Variants in LETM1 observed in about 807,000 individuals in gnomAD.
LETM1 encodes the protein mitochondrial proton/calcium exchanger protein.
A neutral mutation model predicts 74.5 loss-of-function variants in LETM1; 50 were observed. The ratio of observed to expected loss-of-function variants is 0.67; its 90% CI spans 0.53 to 0.85. The LOEUF (loss-of-function observed/expected upper bound fraction) is 0.85. Ranked by LOEUF, LETM1 falls within the 40% of genes least tolerant of loss-of-function variation. LETM1 has a pLI of 0.00. For missense variants in LETM1, 824 were observed against 967.8 expected (o/e 0.85, Z 1.97); for synonymous variants, 446 against 407.1 (o/e 1.10, Z -1.15).
At chr4:1,822,069 C>G in intron 10 of LETM1, 112 bp downstream of exon 10, 1 of 1,119,350 alleles carries the variant, frequency 8.9e-7, no homozygotes. Context: ...TCTCCTCTCA[C>G]TGAGGGCTAT....
intron 3 of LETM1, among the ~76,000 whole-genome samples, chr4:1,839,835 G>A (rs977064432): frequency 3.9e-5 from 6 of 152,224 alleles, no homozygotes; most frequent in African/African-American, 7.2e-5. Flanking sequence ...GAGGTTCACC[G>A]GGGGTTGCAC....
chr4:1,837,851 C>T (rs923286885), intron 3 of LETM1, among the ~76,000 whole-genome samples: 11 of 151,672 alleles, frequency 7.3e-5, no homozygotes, highest in East Asian at 3.9e-4. Flanking sequence ...TACAGACATG[C>T]GCCACCACGC....
intron 2 of LETM1, among the ~76,000 whole-genome samples, chr4:1,843,947 G>T (rs1412352852): frequency 6.6e-6 from 1 of 152,230 alleles, no homozygotes; most frequent in East Asian, 1.9e-4. Flanking sequence ...ACCTCCCTGT[G>T]TGGGTGATGA....
In LETM1 at chr4:1,822,240, C is replaced by A; in HGVS notation, c.1549G>T (p.Asp517Tyr). 6.5e-7 allele frequency: 1 copy of A among 1,548,196 alleles called. No individual in the cohort carries two copies. Among genetic ancestry groups the A allele is most frequent in the Non-Finnish European group, 8.8e-7 (1 of 1,140,310 alleles). The change falls in exon 10 of 14, where the codon GAC becomes TAC. Residue 517 changes from aspartate to tyrosine, a missense_variant. By Grantham distance (160) the Asp-to-Tyr change is radical. Coordinates refer to ENST00000302787, the MANE Select transcript of LETM1 (RefSeq NM_012318.3). ...AAGGTCTCTGACTGCAGGACTGTGT[C>A]AGGCATTTCTGGCTGTGGCTCGGTC... ...PGTEPQPEMP[D>Y]TVLQSETLKD...
Position 1,814,292 on chromosome 4 carries a change from A to C in LETM1, c.*132T>G. 3.7e-6 allele frequency: 5 copies of C among 1,357,692 alleles called. No homozygotes were observed. The highest frequency in any genetic ancestry group is 5.1e-6 in the Non-Finnish European group (5 of 982,144). The allele number at this position is 1,357,692 out of a possible 1,614,324, so 84.1% of individuals were successfully genotyped here. On this transcript the variant is annotated 3_prime_UTR_variant, in exon 14 of 14. Coordinates refer to ENST00000302787, the MANE Select transcript of LETM1 (RefSeq NM_012318.3). ...AATGATGAAAATTAAAATTTACTTG[A>C]TTATGGAAGTCTCTGATTTATTCCA...
Position 1,855,399 on chromosome 4 carries a change from T to C in LETM1, c.82+470A>G, listed in dbSNP as rs180776419. Reference sequence around the variant, plus strand: ...CGCGGCCTAATCACACCACAGGGGTTTGTAGGTGCTGGCATCACCTCATCA... The same window carrying C: ...CGCGGCCTAATCACACCACAGGGGTCTGTAGGTGCTGGCATCACCTCATCA... On this transcript the variant is annotated intron_variant, in intron 1 of 13. Transcript: ENST00000302787. Among the ~76,000 whole-genome samples the C allele has an allele frequency of 1.2e-4, 18 of 152,178 alleles. No individual in the cohort carries two copies. In the East Asian group the frequency reaches 3.5e-3, roughly 30 times the overall value.
At chr4:1,852,411 G>GCCT (rs1713099327) in intron 1 of LETM1, among the ~76,000 whole-genome samples, 1 of 152,156 alleles carries the variant, frequency 6.6e-6, no homozygotes, top group African/African-American at 2.4e-5. Flanking sequence ...AGCCTCACCA[G>GCCT]CCTCCTCACC....
At position 1,813,217 on chromosome 4, in the gene LETM1, A is replaced by T. The variant is rs1722521008; in HGVS notation, c.*1207T>A. On this transcript the variant is annotated 3_prime_UTR_variant, in exon 14 of 14. Coordinates refer to ENST00000302787, the MANE Select transcript of LETM1 (RefSeq NM_012318.3). ...CAGAAAGAAGCTTCAAGTAATGGAGAAGGCATTGTCTGAGTGCAGCTGCTT... is the reference window on the plus strand; with the variant it reads ...CAGAAAGAAGCTTCAAGTAATGGAGTAGGCATTGTCTGAGTGCAGCTGCTT... 6.6e-6 allele frequency: 1 copy of T among 152,372 alleles called. No individual in the cohort carries two copies. Among genetic ancestry groups the T allele is most frequent in the Admixed American group, 6.5e-5 (1 of 15,280 alleles). 9.4% of individuals were successfully genotyped at this position (152,372 alleles called of 1,614,324 possible). A position where few individuals can be genotyped will look rare whatever the true frequency, so the allele number is the denominator to read the frequency against.
intron 13 of LETM1, among the ~76,000 whole-genome samples, chr4:1,815,297 G>A (rs1474963131): frequency 3.2e-4 from 48 of 152,116 alleles, no homozygotes; most frequent in Non-Finnish European, 1.0e-4. Context: ...GGGGGCCCCC[G>A]GCAGGTGTGA....
intron 6 of LETM1, among the ~76,000 whole-genome samples, chr4:1,827,529 G>A (rs1371278890): frequency 9.4e-6 from 1 of 106,150 alleles, no homozygotes; most frequent in Admixed American, 1.0e-4. Flanking sequence ...GTTTAACAAA[G>A]CACATCTTGC....
chr4:1,826,906 C>A (rs535246204), intron 6 of LETM1, among the ~76,000 whole-genome samples: 1 of 152,318 alleles, frequency 6.6e-6, no homozygotes, highest in African/African-American at 2.4e-5. Flanking sequence ...GCAGTGGAGT[C>A]GGCGCTCCAC....
intron 1 of LETM1, among the ~76,000 whole-genome samples, chr4:1,854,598 C>T (rs1028424033): frequency 2.0e-5 from 3 of 151,080 alleles, no homozygotes; most frequent in South Asian, 2.1e-4. Context: ...GTTCGAGACC[C>T]GCCTGGCCAA....
rs565437341 is a variant in LETM1, at chr4:1,828,836, G to T, written c.1081-3153C>A. Among the ~76,000 whole-genome samples the T allele has an allele frequency of 2.1e-3, 264 of 124,940 alleles. 2 individuals are homozygous for T. Among genetic ancestry groups the T allele is most frequent in the African/African-American group, 7.6e-3 (242 of 31,814 alleles). 82.0% of individuals were successfully genotyped at this position (124,940 alleles called of 152,430 possible). A position where few individuals can be genotyped will look rare whatever the true frequency, so the allele number is the denominator to read the frequency against. The stretch of plus-strand genomic sequence containing the variant: ...GCTGACCCCCCCCACCTCCCTCCCG[G>T]ACGGGGCGGCTGGCCGGGCGGGAGG... On this transcript the variant is annotated intron_variant, in intron 6 of 13. Coordinates refer to ENST00000302787, the MANE Select transcript of LETM1 (RefSeq NM_012318.3).
chr4:1,850,707 G>A (rs1713041464), intron 1 of LETM1, among the ~76,000 whole-genome samples: 1 of 151,236 alleles, frequency 6.6e-6, no homozygotes, highest in Non-Finnish European at 1.5e-5. Context: ...GCTCACGCCT[G>A]TAATCCCAGC....
At chr4:1,847,629 G>C (rs1165931681) in intron 2 of LETM1, among the ~76,000 whole-genome samples, 1 of 151,974 alleles carries the variant, frequency 6.6e-6, no homozygotes, top group Non-Finnish European at 1.5e-5. Context: ...AGATGAGCCT[G>C]GCTAATGTGG....
chr4:1,815,130 C>G (rs905548990), intron 13 of LETM1, among the ~76,000 whole-genome samples: 3 of 152,258 alleles, frequency 2.0e-5, no homozygotes, highest in Admixed American at 2.0e-4. Context: ...TAGAGCCCTG[C>G]CTTCCCTCCA....
Position 1,847,565 on chromosome 4 carries a change from A to C in LETM1, c.143+1584T>G, listed in dbSNP as rs1207930895. On this transcript the variant is annotated intron_variant, in intron 2 of 13. Transcript: ENST00000302787. ...CTAGGCGCAGTGGCTCACACCTGTA[A>C]TCCCAGCACTTTGGGAGGCCGAGGT... is the stretch of plus-strand genomic sequence containing the variant. Among the ~76,000 whole-genome samples, 3 of 152,110 alleles carry C rather than the reference A, an allele frequency of 2.0e-5. No homozygotes were observed. In the South Asian group the frequency reaches 6.2e-4, roughly 31 times the overall value.
At chr4:1,817,306 C>G (rs1341891988) in intron 11 of LETM1, among the ~76,000 whole-genome samples, 1 of 148,622 alleles carries the variant, frequency 6.7e-6, no homozygotes, top group South Asian at 2.1e-4. Flanking sequence ...CCTGTAATCC[C>G]AGAACTTTGG....
At chr4:1,830,158 G>A (rs1712216219) in intron 6 of LETM1, among the ~76,000 whole-genome samples, 1 of 152,174 alleles carries the variant, frequency 6.6e-6, no homozygotes, top group Non-Finnish European at 1.5e-5. Flanking sequence ...AGGCTGTGGG[G>A]CTCTATACAA....
Sources: gnomAD v4.1 joint callset for allele counts (sites outside exome capture counted in the v4.1 genomes callset) on GRCh38, gnomAD v4.1.1 for gene constraint, MANE v1.5 for transcripts, NCBI Gene and HGNC (gene_info 2026-07-23, HGNC 2026-07-21) for gene names.